Variants in PARG observed in about 807,000 individuals in gnomAD.
PARG encodes the protein poly(ADP-ribose) glycohydrolase.
PARG carries 35 observed loss-of-function variants against 113.0 expected under a neutral mutation model. That is an observed-to-expected ratio of 0.31 (90% CI 0.24 to 0.41). The LOEUF is 0.41. Among genes scored for constraint, PARG ranks in the 10% least tolerant of loss-of-function variants. The pLI, the probability that PARG is intolerant of heterozygous loss-of-function variation, is 1.00. For synonymous variants in PARG, 330 were observed against 409.9 expected (o/e 0.81, Z 2.36); for missense variants, 797 against 1,169.4 (o/e 0.68, Z 4.64).
chr10:49,915,406 C>T (rs1483706850), intron 7 of PARG, among the ~76,000 whole-genome samples: 6 of 152,092 alleles, frequency 3.9e-5, no homozygotes, highest in South Asian at 2.1e-4. Context: ...CCACTACTGG[C>T]AGCATAGTAA....
chr10:49,841,453 TG>T (rs1336612910), intron 15 of PARG, among the ~76,000 whole-genome samples: 2 of 152,152 alleles, frequency 1.3e-5, no homozygotes, highest in Admixed American at 1.3e-4. Context: ...TTTATATTTC[TG>T]TAATAAAAAA....
rs1845972074 is a variant in PARG, at chr10:49,856,110, A to C, written c.2353+1196T>G. Among the ~76,000 whole-genome samples the C allele has an allele frequency of 2.0e-5, 3 of 151,680 alleles. No homozygotes were observed. In the South Asian group the frequency reaches 6.3e-4, roughly 32 times the overall value. On this transcript the variant is annotated intron_variant, in intron 13 of 17. Coordinates refer to ENST00000616448, the MANE Select transcript of PARG (RefSeq NM_003631.5). ...ACAGACCTAAAGCATACACGTGACT[A>C]AATTTCCCCCCTCCTCCTCCCATAT...
intron 1 of PARG, among the ~76,000 whole-genome samples, chr10:49,935,610 G>C (rs1446448486): frequency 2.0e-5 from 3 of 152,150 alleles, no homozygotes; most frequent in Non-Finnish European, 1.5e-5. Context: ...ATTAAAAGAG[G>C]TCCTGATAAA....
At chr10:49,890,249 T>C (rs558841092) in intron 7 of PARG, among the ~76,000 whole-genome samples, 32 of 152,276 alleles carry the variant, frequency 2.1e-4, no homozygotes, top group Non-Finnish European at 8.8e-5. Flanking sequence ...AGCAAGTGTT[T>C]TGATCTGTGC....
intron 6 of PARG, among the ~76,000 whole-genome samples, chr10:49,917,488 CAAAAAAA>C (rs71026277): frequency 8.4e-5 from 4 of 47,660 alleles, no homozygotes; most frequent in East Asian, 1.2e-3. Context: ...GACTCCGTCT[CAAAAAAA>C]AAAAAAAAAA....
intron 7 of PARG, among the ~76,000 whole-genome samples, chr10:49,891,452 A>G (rs1847778008): frequency 6.6e-6 from 1 of 151,116 alleles, no homozygotes. Context: ...AAAAGTTACT[A>G]ACAATCCTCT....
intron 7 of PARG, among the ~76,000 whole-genome samples, chr10:49,911,282 CAAAA>C (rs1210324104): frequency 3.4e-5 from 3 of 88,194 alleles, no homozygotes; most frequent in African/African-American, 7.9e-5. Flanking sequence ...GACTGTGTCT[CAAAA>C]AAAAAAAAAA....
At chr10:49,867,268 TTCTC>T (rs1398684029) in intron 10 of PARG, 99 of 147,172 alleles carry the variant, frequency 6.7e-4, no homozygotes, top group African/African-American at 2.0e-3. Flanking sequence ...TTTTTTTCCT[TTCTC>T]TATTTAGTGT....
At chr10:49,890,040 T>G (rs1588948246) in intron 7 of PARG, among the ~76,000 whole-genome samples, 1 of 152,176 alleles carries the variant, frequency 6.6e-6, no homozygotes, top group African/African-American at 2.4e-5. Context: ...ATTTCTTAAC[T>G]TCACGAAAAG....
chr10:49,932,217 G>A lies in PARG; in HGVS notation c.1338C>T (p.His446=). The part of the protein sequence containing the change: ...ERKIPKYVPP[H]LSPDKKWLGT... Reference sequence around the variant, plus strand: ...CAAGCCACTTCTTATCTGGAGAAAGGTGAGGTGGAACGTATTTAGGGATCT... The same window carrying A: ...CAAGCCACTTCTTATCTGGAGAAAGATGAGGTGGAACGTATTTAGGGATCT... Residue 446 remains histidine, a synonymous_variant, in exon 4 of 18, where the codon CAC becomes CAT. Transcript: ENST00000616448. The A allele has an allele frequency of 1.9e-6, 3 of 1,599,880 alleles. No homozygotes were observed. The South Asian group carries it at 3.3e-5, about 18-fold the overall frequency.
chr10:49,822,335 C>T (rs1415024995), intron 16 of PARG, among the ~76,000 whole-genome samples: 1 of 152,018 alleles, frequency 6.6e-6, no homozygotes, highest in African/African-American at 2.4e-5. Context: ...CACTCAGCAC[C>T]CAAATCTTGG....
chr10:49,896,926 CACATAGTA>C, intron 7 of PARG, among the ~76,000 whole-genome samples: 1 of 152,282 alleles, frequency 6.6e-6, no homozygotes, highest in South Asian at 2.1e-4. Context: ...CATCTTGGTC[CACATAGTA>C]ACCAATGTTT....
At chr10:49,880,494 GTCT>G (rs1554839252) in intron 8 of PARG, among the ~76,000 whole-genome samples, 4 of 152,112 alleles carry the variant, frequency 2.6e-5, no homozygotes, top group African/African-American at 9.7e-5. Flanking sequence ...TGTCTAAAAT[GTCT>G]TCTAGTTATG....
intron 8 of PARG, among the ~76,000 whole-genome samples, chr10:49,883,027 A>G (rs1282378349): frequency 4.0e-5 from 6 of 151,440 alleles, no homozygotes; most frequent in Admixed American, 2.6e-4. Flanking sequence ...AAACAAGAAG[A>G]TATGTTTTAA....
intron 16 of PARG, among the ~76,000 whole-genome samples, chr10:49,823,489 C>T (rs1354849991): frequency 6.6e-6 from 1 of 152,102 alleles, no homozygotes; most frequent in African/African-American, 2.4e-5. Context: ...GGTGCCATGA[C>T]TATGCCTCAT....
intron 15 of PARG, among the ~76,000 whole-genome samples, chr10:49,835,188 C>T (rs1251337162): frequency 1.3e-5 from 2 of 152,174 alleles, no homozygotes; most frequent in African/African-American, 2.4e-5. Flanking sequence ...CAAGTTCTCA[C>T]TCCACAGCGA....
chr10:49,848,496 T>C (rs1483048279), intron 13 of PARG, among the ~76,000 whole-genome samples: 6 of 147,342 alleles, frequency 4.1e-5, no homozygotes, highest in South Asian at 4.4e-4. Context: ...TTATTTAATA[T>C]ACTACTTCTA....
At chr10:49,828,078 G>A (rs1197297553) in intron 16 of PARG, among the ~76,000 whole-genome samples, 1 of 45,524 alleles carries the variant, frequency 2.2e-5, no homozygotes, top group Non-Finnish European at 5.0e-5. Context: ...GAGACGAGAT[G>A]TAGAAAGCTT....
At chr10:49,917,501 A>G (rs1447787355) in intron 6 of PARG, among the ~76,000 whole-genome samples, 4 of 148,992 alleles carry the variant, frequency 2.7e-5, no homozygotes, top group East Asian at 3.9e-4. Context: ...AAAAAAAAAA[A>G]AAAAAAGAAA....
Sources: allele counts gnomAD v4.1 joint callset (sites outside exome capture counted in the v4.1 genomes callset), GRCh38; gene constraint gnomAD v4.1.1; transcripts MANE v1.5; gene names NCBI Gene and HGNC (gene_info 2026-07-23, HGNC 2026-07-21).